The following GLIS3 variants were observed in gnomAD, a reference collection of about 807,000 sequenced individuals.
GLIS3 encodes GLIS family zinc finger 3.
Under a neutral mutation model 78.6 loss-of-function variants are expected in GLIS3, and 53 were observed. The ratio of observed to expected loss-of-function variants is 0.67; its 90% CI spans 0.54 to 0.85. The LOEUF is 0.85. Among genes scored for constraint, GLIS3 ranks in the 40% least tolerant of loss-of-function variants. The pLI, the probability that GLIS3 is intolerant of heterozygous loss-of-function variation, is 0.00. For missense variants in GLIS3, 1,703 were observed against 1,231.1 expected, an observed-to-expected ratio of 1.38 and a Z score of -5.74; for synonymous variants, 684 against 509.9, an observed-to-expected ratio of 1.34 and a Z score of -4.60.
intron 9 of GLIS3, among the ~76,000 whole-genome samples, chr9:3,838,017 G>A (rs1049287631): frequency 6.6e-6 from 1 of 151,848 alleles, no homozygotes; most frequent in African/African-American, 2.4e-5. Context: ...AGGAGGGTGT[G>A]TGGGAACTCC....
At chr9:3,953,604 G>A (rs909859530) in intron 4 of GLIS3, among the ~76,000 whole-genome samples, 2 of 152,022 alleles carry the variant, frequency 1.3e-5, no homozygotes, top group South Asian at 2.1e-4. Context: ...AAATGGTTTC[G>A]CCTCATACCA....
At chr9:4,098,775 A>G (rs1247692327) in intron 4 of GLIS3, among the ~76,000 whole-genome samples, 1 of 152,208 alleles carries the variant, frequency 6.6e-6, no homozygotes, top group Non-Finnish European at 1.5e-5. Context: ...CGATTTAAAT[A>G]AAAATATACT....
At chr9:4,181,943 C>A (rs144247716) in intron 2 of GLIS3, among the ~76,000 whole-genome samples, 50 of 152,310 alleles carry the variant, frequency 3.3e-4, no homozygotes, top group African/African-American at 1.1e-3. Context: ...AGTCAACCCA[C>A]AGAATTGTGA....
chr9:4,209,807 G>T (rs1382787690), intron 2 of GLIS3, among the ~76,000 whole-genome samples: 1 of 85,716 alleles, frequency 1.2e-5, no homozygotes. Flanking sequence ...GAATCCAGTA[G>T]CATTCCCGCC....
At chr9:3,908,676 A>G (rs1388808598) in intron 6 of GLIS3, among the ~76,000 whole-genome samples, 2 of 150,560 alleles carry the variant, frequency 1.3e-5, no homozygotes, top group Non-Finnish European at 2.9e-5. Context: ...ATCTATAAAA[A>G]CAAGGCACCA....
intron 4 of GLIS3, among the ~76,000 whole-genome samples, chr9:4,094,660 T>G (rs779156195): frequency 6.6e-6 from 1 of 152,324 alleles, no homozygotes. Context: ...CTCTCATTTC[T>G]CAACTAGCCA....
Position 4,286,519 on chromosome 9 carries a change from T to A in GLIS3, c.-94A>T. On this transcript the variant is annotated 5_prime_UTR_variant, in exon 2 of 11. Coordinates refer to ENST00000381971, the MANE Select transcript of GLIS3 (RefSeq NM_001042413.2). ...AATAAGTTATCCATGGTGTGGGTTA[T>A]AAGCCTGTTTAAAAAAATAAACGCA... 1 of 1,448,260 alleles carries A rather than the reference T, an allele frequency of 6.9e-7. No individual in the cohort carries two copies. The highest frequency in any genetic ancestry group is 1.2e-5 in the South Asian group (1 of 84,936). The allele number at this position is 1,448,260 out of a possible 1,614,324, so 89.7% of individuals were successfully genotyped here. A position where few individuals can be genotyped will look rare whatever the true frequency, so the allele number is the denominator to read the frequency against.
At chr9:4,222,863 C>T (rs1329138190) in intron 2 of GLIS3, among the ~76,000 whole-genome samples, 4 of 152,146 alleles carry the variant, frequency 2.6e-5, no homozygotes, top group Non-Finnish European at 4.4e-5. Context: ...TTCCATTTCT[C>T]GGGCTGAAAT....
At chr9:4,197,312 C>A (rs1265514047) in intron 2 of GLIS3, among the ~76,000 whole-genome samples, 3 of 152,184 alleles carry the variant, frequency 2.0e-5, no homozygotes, top group African/African-American at 7.2e-5. Flanking sequence ...TTTGGAGCAC[C>A]CACTTGCCTG....
chr9:4,168,212 T>C (rs904606904), intron 2 of GLIS3, among the ~76,000 whole-genome samples: 3 of 151,750 alleles, frequency 2.0e-5, no homozygotes, highest in African/African-American at 7.3e-5. Context: ...CACACACACA[T>C]ACATACACTT....
intron 4 of GLIS3, among the ~76,000 whole-genome samples, chr9:3,965,188 C>CTTTT (rs750454441): frequency 0.024 from 2,363 of 98,020 alleles, 278 homozygotes; most frequent in African/African-American, 0.063. Context: ...TCTTTCTTTT[C>CTTTT]TTTTCTTTTT....
intron 2 of GLIS3, among the ~76,000 whole-genome samples, chr9:4,245,355 C>T (rs929705068): frequency 5.3e-5 from 8 of 152,204 alleles, no homozygotes; most frequent in African/African-American, 1.7e-4. Flanking sequence ...GCCTAGGAAT[C>T]GGAAGACCCA....
chr9:3,850,741 C>T (rs1819377173), intron 9 of GLIS3, among the ~76,000 whole-genome samples: 1 of 152,200 alleles, frequency 6.6e-6, no homozygotes, highest in Non-Finnish European at 1.5e-5. Context: ...TCTTCCTCCT[C>T]TACTCCACAC....
intron 4 of GLIS3, among the ~76,000 whole-genome samples, chr9:4,058,846 G>T (rs1249413494): frequency 6.6e-6 from 1 of 152,062 alleles, no homozygotes; most frequent in Non-Finnish European, 1.5e-5. Flanking sequence ...GCCGGGTTTG[G>T]TGGCAGGTGC....
chr9:4,232,263 A>G (rs1466302590), intron 2 of GLIS3, among the ~76,000 whole-genome samples: 2 of 151,644 alleles, frequency 1.3e-5, no homozygotes, highest in Non-Finnish European at 2.9e-5. Context: ...CCTCTGTAGT[A>G]CCAGCTATTT....
intron 9 of GLIS3, among the ~76,000 whole-genome samples, chr9:3,842,937 G>A (rs1161114906): frequency 1.3e-5 from 2 of 152,092 alleles, no homozygotes; most frequent in African/African-American, 2.4e-5. Flanking sequence ...TGGTAGATGG[G>A]GCTCTTGGGG....
chr9:4,484,908 C>A, the GLIS3 span, among the ~76,000 whole-genome samples: 3 of 151,696 alleles, frequency 2.0e-5, no homozygotes, highest in African/African-American at 7.3e-5. Flanking sequence ...TATAACCAAC[C>A]ATCGGTCCAG....
At chr9:4,426,647 T>C in the GLIS3 span, among the ~76,000 whole-genome samples, 1 of 152,256 alleles carries the variant, frequency 6.6e-6, no homozygotes, top group South Asian at 2.1e-4. Context: ...TCATGGATTA[T>C]TTGGGCAACC....
intron 4 of GLIS3, among the ~76,000 whole-genome samples, chr9:4,116,945 G>A (rs968479118): frequency 1.3e-5 from 2 of 152,084 alleles, no homozygotes; most frequent in African/African-American, 4.8e-5. Flanking sequence ...TAAACCCTGA[G>A]GGTTTCTGTG....
Sources: gnomAD v4.1 joint callset for allele counts (sites outside exome capture counted in the v4.1 genomes callset) on GRCh38, gnomAD v4.1.1 for gene constraint, MANE v1.5 for transcripts, NCBI Gene and HGNC (gene_info 2026-07-23, HGNC 2026-07-21) for gene names.